ALOX5: variants seen among roughly 807,000 people sequenced by gnomAD.
ALOX5 encodes polyunsaturated fatty acid 5-lipoxygenase.
Under a neutral mutation model 87.9 loss-of-function variants are expected in ALOX5, and 64 were observed. The observed-to-expected ratio is 0.73, with a 90% CI of 0.60 to 0.90. ALOX5 has a LOEUF of 0.90. ALOX5 is among the 40% of genes least tolerant of loss of function. The pLI is 0.00. For synonymous variants in ALOX5, 388 were observed against 355.1 expected, an observed-to-expected ratio of 1.09 and a Z score of -1.04; for missense variants, 822 against 907.5, an observed-to-expected ratio of 0.91 and a Z score of 1.21.
chr10:45,380,387 G>A (rs550160173), intron 1 of ALOX5, among the ~76,000 whole-genome samples: 65 of 152,334 alleles, frequency 4.3e-4, no homozygotes, highest in Middle Eastern at 3.4e-3. Flanking sequence ...GACCACAAGC[G>A]TCTGGCCTCA....
At chr10:45,429,992 A>C (rs1033525652) in intron 7 of ALOX5, among the ~76,000 whole-genome samples, 1 of 152,222 alleles carries the variant, frequency 6.6e-6, no homozygotes, top group Non-Finnish European at 1.5e-5. Flanking sequence ...GCCTCCCCAC[A>C]GTCTCCCAGG....
At chr10:45,441,086 T>A (rs1016592557) in intron 8 of ALOX5, among the ~76,000 whole-genome samples, 1 of 152,164 alleles carries the variant, frequency 6.6e-6, no homozygotes, top group Non-Finnish European at 1.5e-5. Context: ...ATTAAGACAG[T>A]GAACTCAGGG....
chr10:45,412,244 A>G lies in ALOX5; in HGVS notation c.485A>G (p.Lys162Arg). Residue 162 changes from lysine to arginine, a missense_variant, in exon 4 of 14, where the codon AAG becomes AGG. Physicochemically the swap from Lys to Arg is conservative, Grantham distance 26. Transcript: ENST00000374391. ...TTGAGCATCGATGCCAAATGCCACAAGGATTTACCCCGTGATATCCAGTTT... is the reference window on the plus strand; with the variant it reads ...TTGAGCATCGATGCCAAATGCCACAGGGATTTACCCCGTGATATCCAGTTT... ...FPLSIDAKCH[K>R]DLPRDIQFDS... 6.2e-7 allele frequency: 1 copy of G among 1,614,190 alleles called. No homozygotes were observed. The highest frequency in any genetic ancestry group is 8.5e-7 in the Non-Finnish European group (1 of 1,180,002).
chr10:45,417,212 G>C (rs1006502512), intron 4 of ALOX5, among the ~76,000 whole-genome samples: 2 of 152,024 alleles, frequency 1.3e-5, no homozygotes, highest in African/African-American at 2.4e-5. Context: ...GAAGGTAACT[G>C]TGCACCTCCT....
intron 4 of ALOX5, among the ~76,000 whole-genome samples, chr10:45,416,004 A>C (rs1036420480): frequency 6.6e-6 from 1 of 151,828 alleles, no homozygotes; most frequent in African/African-American, 2.4e-5. Flanking sequence ...TGCCAGGCCA[A>C]CCCCACACCC....
At chr10:45,390,892 T>G (rs1404906571) in intron 2 of ALOX5, among the ~76,000 whole-genome samples, 1 of 152,094 alleles carries the variant, frequency 6.6e-6, no homozygotes. Context: ...AAAAAATCAA[T>G]GAGTCCAGGA....
chr10:45,443,068 C>A lies in ALOX5; in HGVS notation c.1303C>A (p.Gln435Lys), dbSNP rs778036906. ...ANATGGGGHV[Q>K]MVQRAMKDLT... is the part of the protein sequence containing the mutation. ...CGCCACAGGGGGCGGTGGGCACGTG[C>A]AGATGGTGCAGAGGGCCATGAAGGA... The change falls in exon 10 of 14, where the codon CAG becomes AAG. Residue 435 changes from glutamine to lysine, a missense_variant. Coordinates refer to ENST00000374391, the MANE Select transcript of ALOX5 (RefSeq NM_000698.5). The A allele has an allele frequency of 1.9e-6, 3 of 1,613,434 alleles. No individual in the cohort carries two copies. Among genetic ancestry groups the A allele is most frequent in the Non-Finnish European group, 2.5e-6 (3 of 1,179,862 alleles).
chr10:45,390,741 G>A (rs946579932), intron 2 of ALOX5, among the ~76,000 whole-genome samples: 1 of 152,152 alleles, frequency 6.6e-6, no homozygotes, highest in Admixed American at 6.6e-5. Flanking sequence ...AGAAAGCAGG[G>A]AAGATCTAAA....
At chr10:45,376,948 G>A (rs1295589991) in intron 1 of ALOX5, among the ~76,000 whole-genome samples, 1 of 152,112 alleles carries the variant, frequency 6.6e-6, no homozygotes, top group African/African-American at 2.4e-5. Flanking sequence ...CCAAGTCTAG[G>A]CAAATTTAAC....
chr10:45,434,076 C>T (rs1161356420), intron 7 of ALOX5, among the ~76,000 whole-genome samples: 1 of 152,214 alleles, frequency 6.6e-6, no homozygotes, highest in Non-Finnish European at 1.5e-5. Context: ...AGCTAGGTGC[C>T]TGGAACTTCC....
intron 1 of ALOX5, among the ~76,000 whole-genome samples, chr10:45,379,029 C>T (rs1378925306): frequency 6.6e-6 from 1 of 152,120 alleles, no homozygotes; most frequent in East Asian, 1.9e-4. Flanking sequence ...GTGACTGCAC[C>T]ACAGGTGTGC....
At chr10:45,422,892 C>T (rs753015791) in intron 4 of ALOX5, among the ~76,000 whole-genome samples, 3 of 152,188 alleles carry the variant, frequency 2.0e-5, no homozygotes, top group African/African-American at 7.2e-5. Context: ...GGGCCCTCTT[C>T]CCAGCTTGCA....
rs764395353 is a variant in ALOX5, at chr10:45,443,170, T to C, written c.1405T>C (p.Tyr469His). The C allele has an allele frequency of 6.2e-7, 1 of 1,613,746 alleles. No homozygotes were observed. Among genetic ancestry groups the C allele is most frequent in the Non-Finnish European group, 8.5e-7 (1 of 1,179,954 alleles). The change falls in exon 10 of 14, where the codon TAC becomes CAC. Residue 469 changes from tyrosine to histidine, a missense_variant. Physicochemically the swap from Tyr to His is moderately conservative, Grantham distance 83. Coordinates refer to ENST00000374391, the MANE Select transcript of ALOX5 (RefSeq NM_000698.5). ...GMESKEDIPY[Y>H]FYRDDGLLVW... is the part of the protein sequence containing the mutation. ...GGAGAGCAAAGAAGACATCCCCTAC[T>C]ACTTCTACCGGGACGACGGGCTCCT...
At chr10:45,427,518 G>A (rs530336456) in intron 6 of ALOX5, among the ~76,000 whole-genome samples, 84 of 152,362 alleles carry the variant, frequency 5.5e-4, no homozygotes, top group African/African-American at 1.9e-3. Flanking sequence ...TCCTGGGTGG[G>A]TGGCTTCTGT....
In ALOX5 at chr10:45,441,565, A is replaced by C. The variant is rs1459752057; in HGVS notation, c.1272+135A>C. On this transcript the variant is annotated intron_variant, in intron 9 of 13. Transcript: ENST00000374391. ...GGAGTCTGCTCAGAGCACTGGCTCC[A>C]GCATCCTCCTGATGTCTCCAGCCCG... The C allele has an allele frequency of 7.2e-6, 6 of 833,018 alleles. No individual in the cohort carries two copies. The Admixed American group carries it at 1.5e-4, about 20-fold the overall frequency. 51.6% of individuals were successfully genotyped at this position (833,018 alleles called of 1,614,324 possible).
At chr10:45,397,380 C>G (rs564329795) in intron 3 of ALOX5, among the ~76,000 whole-genome samples, 9 of 152,074 alleles carry the variant, frequency 5.9e-5, no homozygotes, top group African/African-American at 4.8e-5. Context: ...TCCGTCCCCC[C>G]ACATACACAA....
Position 45,391,240 on chromosome 10 carries a change from G to A in ALOX5, c.350-4615G>A, listed in dbSNP as rs540655484. ...GCCGAGTGCCTGCGATTGCAGGTGC[G>A]CACCGCCACGCCTGACTGTTTTTCA... On this transcript the variant is annotated intron_variant, in intron 2 of 13. Coordinates refer to ENST00000374391, the MANE Select transcript of ALOX5 (RefSeq NM_000698.5). 3.4e-3 allele frequency among the ~76,000 whole-genome samples: 518 copies of A among 152,140 alleles called. 2 individuals carry two copies. Among genetic ancestry groups the A allele is most frequent in the African/African-American group, 0.012 (489 of 41,506 alleles).
chr10:45,396,489 A>G (rs1428025898), intron 3 of ALOX5, among the ~76,000 whole-genome samples: 1 of 152,218 alleles, frequency 6.6e-6, no homozygotes, highest in East Asian at 1.9e-4. Context: ...GTTAAATGAA[A>G]TGCGCAAATT....
intron 4 of ALOX5, among the ~76,000 whole-genome samples, chr10:45,420,360 A>G (rs1841459075): frequency 6.6e-6 from 1 of 152,264 alleles, no homozygotes; most frequent in African/African-American, 2.4e-5. Context: ...TTAAAAATGC[A>G]TCATAAAATA....
Sources: allele counts gnomAD v4.1 joint callset (sites outside exome capture counted in the v4.1 genomes callset), GRCh38; gene constraint gnomAD v4.1.1; transcripts MANE v1.5; gene names NCBI Gene and HGNC (gene_info 2026-07-23, HGNC 2026-07-21).